Variants in ICA1 observed in about 807,000 individuals in gnomAD.
ICA1 encodes the protein 69 kDa islet cell autoantigen.
A neutral mutation model predicts 71.0 loss-of-function variants in ICA1; 40 were observed. That is an observed-to-expected ratio of 0.56 (90% confidence interval 0.44 to 0.73). The LOEUF is 0.73. Ranked by LOEUF, ICA1 falls within the 30% of genes least tolerant of loss-of-function variation. The pLI, the probability that ICA1 is intolerant of heterozygous loss-of-function variation, is 0.00. For synonymous variants in ICA1, 207 were observed against 209.5 expected (o/e 0.99, Z 0.10); for missense variants, 578 against 576.5 (o/e 1.00, Z -0.03).
intron 7 of ICA1, chr7:8,157,511 ACG>A (rs1802056984): frequency 2.8e-6 from 1 of 353,460 alleles, no homozygotes; most frequent in Admixed American, 4.4e-5. Flanking sequence ...TAAATAATTA[ACG>A]CTCTACTGTT....
chr7:8,132,003 G>T lies in ICA1; in HGVS notation c.1061-3861C>A, dbSNP rs551002087. Among the ~76,000 whole-genome samples the T allele has an allele frequency of 1.0e-3, 157 of 152,212 alleles. 1 individual carries two copies. The highest frequency in any genetic ancestry group is 3.7e-3 in the African/African-American group (154 of 41,528). On this transcript the variant is annotated intron_variant, in intron 12 of 13. Transcript: ENST00000402384. This position sits in a 1 kb window ranked among gnomAD's most constrained non-coding sequence, Gnocchi z 4.5. ...TGTTAAAGGATGAACAAGGGTTGAG[G>T]ATCTCTCAGGTGCCAAACCCACAGA...
Position 8,231,793 on chromosome 7 carries a change from T to C in ICA1, c.183+797A>G, listed in dbSNP as rs376746800. Among the ~76,000 whole-genome samples, 14 of 152,316 alleles carry C rather than the reference T, an allele frequency of 9.2e-5. No individual in the cohort carries two copies. In the South Asian group the frequency reaches 2.9e-3, roughly 32 times the overall value. On this transcript the variant is annotated intron_variant, in intron 3 of 13. Coordinates refer to ENST00000402384, the MANE Select transcript of ICA1 (RefSeq NM_001136020.3). ...ACATGACAGTAATTGACAACTAACA[T>C]TTCCCCTTAACCCTCTCTGATGTAG...
intron 7 of ICA1, chr7:8,157,600 C>T (rs1267591608): frequency 4.9e-6 from 1 of 203,898 alleles, no homozygotes; most frequent in African/African-American, 2.3e-5. Flanking sequence ...ACTTAGCACA[C>T]TCTGCTCTGT....
At chr7:8,190,268 C>T (rs1785161739) in intron 6 of ICA1, among the ~76,000 whole-genome samples, 1 of 151,844 alleles carries the variant, frequency 6.6e-6, no homozygotes, top group Admixed American at 6.6e-5. Context: ...AGTCCTTACT[C>T]TCCGAGTGGG....
At chr7:8,164,923 C>T (rs74331747) in intron 6 of ICA1, among the ~76,000 whole-genome samples, 5,253 of 152,124 alleles carry the variant, frequency 0.035, 148 homozygotes, top group South Asian at 0.13. Flanking sequence ...ACAAAAGATA[C>T]AAAAATTTGC....
intron 12 of ICA1, among the ~76,000 whole-genome samples, chr7:8,129,367 C>A (rs1790550043): frequency 7.4e-6 from 1 of 135,290 alleles, no homozygotes; most frequent in African/African-American, 3.0e-5. Flanking sequence ...TAAGTAAAGG[C>A]TTTTTTTTTA....
chr7:8,206,733 G>GAAA (rs60704635), intron 6 of ICA1, among the ~76,000 whole-genome samples: 36 of 135,610 alleles, frequency 2.7e-4, no homozygotes, highest in African/African-American at 8.5e-4. Context: ...GGTTTAAAAT[G>GAAA]AAAAAAAAAA....
chr7:8,202,871 C>A (rs1790205317), intron 6 of ICA1, among the ~76,000 whole-genome samples: 2 of 151,802 alleles, frequency 1.3e-5, no homozygotes, highest in Admixed American at 1.3e-4. Context: ...AGACACACCG[C>A]ACGAATGGGG....
chr7:8,196,652 A>G (rs556303572), intron 6 of ICA1, among the ~76,000 whole-genome samples: 19 of 152,264 alleles, frequency 1.2e-4, no homozygotes, highest in African/African-American at 4.6e-4. Context: ...AGTATGCAGA[A>G]ACTCTGTATC....
At chr7:8,139,304 C>T (rs1794436245) in intron 10 of ICA1, among the ~76,000 whole-genome samples, 1 of 152,184 alleles carries the variant, frequency 6.6e-6, no homozygotes, top group Admixed American at 6.5e-5. Context: ...ATTCTCCTTC[C>T]ATGGACAAGT....
chr7:8,259,700 G>T (rs575577392), intron 1 of ICA1, among the ~76,000 whole-genome samples: 1 of 152,260 alleles, frequency 6.6e-6, no homozygotes, highest in African/African-American at 2.4e-5. Flanking sequence ...AAGGTCACAC[G>T]GCTAGTTAGG....
chr7:8,246,341 T>G (rs113205931), intron 1 of ICA1, among the ~76,000 whole-genome samples: 114 of 152,308 alleles, frequency 7.5e-4, no homozygotes, highest in African/African-American at 2.6e-3. Flanking sequence ...CAAGGATGAA[T>G]AGATCAATGG....
chr7:8,217,690 A>G (rs1476201773), intron 6 of ICA1, among the ~76,000 whole-genome samples: 1 of 152,224 alleles, frequency 6.6e-6, no homozygotes, highest in Non-Finnish European at 1.5e-5. Flanking sequence ...TTCTTGTATG[A>G]CAAAATCAAA....
rs75102407 is a variant in ICA1, at chr7:8,193,069, T to G, written c.579+25236A>C. Among the ~76,000 whole-genome samples the G allele has an allele frequency of 3.1e-4, 47 of 152,354 alleles. No homozygotes were observed. The East Asian group carries it at 5.4e-3, about 17-fold the overall frequency. ...GAAACAAAGATCTGGTTTCTAGATATGCTCACTGCTACTAGAGTGAAACTG... is the reference window on the plus strand; with the variant it reads ...GAAACAAAGATCTGGTTTCTAGATAGGCTCACTGCTACTAGAGTGAAACTG... On this transcript the variant is annotated intron_variant, in intron 6 of 13. Coordinates refer to ENST00000402384, the MANE Select transcript of ICA1 (RefSeq NM_001136020.3).
At chr7:8,254,972 C>A (rs942773640) in intron 1 of ICA1, among the ~76,000 whole-genome samples, 1 of 152,136 alleles carries the variant, frequency 6.6e-6, no homozygotes, top group African/African-American at 2.4e-5. Flanking sequence ...CTGCGCTGGG[C>A]ACCTTCTGTC....
At chr7:8,202,096 G>C (rs892815015) in intron 6 of ICA1, among the ~76,000 whole-genome samples, 3 of 152,202 alleles carry the variant, frequency 2.0e-5, no homozygotes, top group African/African-American at 4.8e-5. Context: ...AAACAGTACA[G>C]AGGAAGCCAA....
At chr7:8,177,286 A>G (rs1461619086) in intron 6 of ICA1, among the ~76,000 whole-genome samples, 2 of 152,186 alleles carry the variant, frequency 1.3e-5, no homozygotes, top group Non-Finnish European at 2.9e-5. Context: ...GTCAGTTTTT[A>G]CATTGTTCCA....
chr7:8,227,569 A>G (rs1798982439), intron 4 of ICA1: 1 of 356,668 alleles, frequency 2.8e-6, no homozygotes, highest in African/African-American at 2.2e-5. Context: ...TACTGCCTCT[A>G]CATACAATGA....
rs1779481838 is a variant in ICA1 at position 8,173,338 on chromosome 7, T to C, written c.580-14686A>G. Among the ~76,000 whole-genome samples, 1 of 152,140 alleles carries C rather than the reference T, an allele frequency of 6.6e-6. No homozygotes were observed. The highest frequency in any genetic ancestry group is 2.4e-5 in the African/African-American group (1 of 41,438). On this transcript the variant is annotated intron_variant, in intron 6 of 13. Coordinates refer to ENST00000402384, the MANE Select transcript of ICA1 (RefSeq NM_001136020.3). The surrounding 1 kb of genome is among the most constrained non-coding windows in gnomAD (Gnocchi z 4.0). The stretch of plus-strand genomic sequence containing the variant: ...ACTCCCACTAGCCAAAAATGAGACA[T>C]TGTGAGCATCAATGAAGTTAATATT...
Sources: gnomAD v4.1 joint callset for allele counts (sites outside exome capture counted in the v4.1 genomes callset) on GRCh38, gnomAD v4.1.1 for gene constraint, Gnocchi (gnomAD v3.1) non-coding constraint, MANE v1.5 for transcripts, NCBI Gene and HGNC (gene_info 2026-07-23, HGNC 2026-07-21) for gene names.